UVRAG: variants seen among roughly 807,000 people sequenced by gnomAD.
UVRAG encodes UV radiation resistance-associated gene protein.
UVRAG carries 19 observed loss-of-function variants against 78.0 expected under a neutral mutation model. The ratio of observed to expected loss-of-function variants is 0.24; its 90% confidence interval spans 0.17 to 0.36. The LOEUF (loss-of-function observed/expected upper bound fraction) is 0.36. Among genes scored for constraint, UVRAG ranks in the 10% least tolerant of loss-of-function variants. The pLI, the probability that UVRAG is intolerant of heterozygous loss-of-function variation, is 1.00. For missense variants in UVRAG, 740 were observed against 853.8 expected, an observed-to-expected ratio of 0.87 and a Z score of 1.66; for synonymous variants, 323 against 324.6, an observed-to-expected ratio of 1.00 and a Z score of 0.05.
chr11:75,888,451 C>T (rs2134927410), intron 4 of UVRAG, among the ~76,000 whole-genome samples: 1 of 151,972 alleles, frequency 6.6e-6, no homozygotes, highest in African/African-American at 2.4e-5. Context: ...GCCTAGGCTT[C>T]ATGTTAAAAA....
At chr11:76,038,097 C>T (rs1422750299) in intron 12 of UVRAG, among the ~76,000 whole-genome samples, 1 of 152,070 alleles carries the variant, frequency 6.6e-6, no homozygotes, top group African/African-American at 2.4e-5. Context: ...AATTAAATCA[C>T]TTACATCTCC....
intron 14 of UVRAG, among the ~76,000 whole-genome samples, chr11:76,126,318 AATCCAAGTTATAT>A (rs1952393463): frequency 6.6e-6 from 1 of 152,222 alleles, no homozygotes; most frequent in Admixed American, 6.5e-5. Context: ...ATTCAAATAA[AATCCAAGTTATAT>A]ATCCAAAATA....
intron 12 of UVRAG, among the ~76,000 whole-genome samples, chr11:76,039,299 T>C (rs1156995266): frequency 6.6e-6 from 1 of 152,194 alleles, no homozygotes; most frequent in Non-Finnish European, 1.5e-5. Context: ...TAAGAACTCA[T>C]TGTAAAGTAG....
At chr11:75,816,432 C>A (rs1945264903) in intron 1 of UVRAG, among the ~76,000 whole-genome samples, 1 of 152,228 alleles carries the variant, frequency 6.6e-6, no homozygotes, top group East Asian at 1.9e-4. Context: ...TTCACCCTCT[C>A]CCTTTATTCC....
Position 75,996,666 on chromosome 11 carries a change from G to A in UVRAG, c.827-7339G>A, listed in dbSNP as rs527885578. Reference sequence around the variant, plus strand: ...AGCAATTCCAGTAAAGCTTACTGGGGGCAGGCACAATAATGCAAATGTTAA... The same window carrying A: ...AGCAATTCCAGTAAAGCTTACTGGGAGCAGGCACAATAATGCAAATGTTAA... On this transcript the variant is annotated intron_variant, in intron 8 of 14. Coordinates refer to ENST00000356136, the MANE Select transcript of UVRAG (RefSeq NM_003369.4). Among the ~76,000 whole-genome samples the A allele has an allele frequency of 2.6e-4, 40 of 152,206 alleles. 1 individual carries two copies. The highest frequency in any genetic ancestry group is 2.1e-4 in the South Asian group (1 of 4,814).
At position 75,997,148 on chromosome 11, in the gene UVRAG, G is replaced by A. The variant is rs947711317; in HGVS notation, c.827-6857G>A. Among the ~76,000 whole-genome samples, 61 of 152,188 alleles carry A rather than the reference G, an allele frequency of 4.0e-4. 1 individual carries two copies. Among genetic ancestry groups the A allele is most frequent in the Non-Finnish European group, 6.0e-4 (41 of 68,030 alleles). On this transcript the variant is annotated intron_variant, in intron 8 of 14. Transcript: ENST00000356136. ...AGGCAGCATCATAAATCATAGTATA[G>A]AAAAGGCATTTCTGCAGGGAAGGAA...
At chr11:75,884,621 G>A (rs1947037208) in intron 4 of UVRAG, among the ~76,000 whole-genome samples, 1 of 152,078 alleles carries the variant, frequency 6.6e-6, no homozygotes, top group Non-Finnish European at 1.5e-5. Context: ...TTGTTTTGCA[G>A]ATGGATGAAC....
chr11:75,876,858 T>C (rs1946793747), intron 3 of UVRAG, among the ~76,000 whole-genome samples: 2 of 152,026 alleles, frequency 1.3e-5, no homozygotes, highest in Admixed American at 1.3e-4. Context: ...TATTTTTTAT[T>C]TTTATTTTTA....
chr11:76,095,736 T>G (rs1180052059), intron 13 of UVRAG, among the ~76,000 whole-genome samples: 1 of 151,540 alleles, frequency 6.6e-6, no homozygotes, highest in East Asian at 1.9e-4. Context: ...CTGGGCATGG[T>G]GGTGCCCACC....
At chr11:76,040,323 A>G (rs1950621260) in intron 12 of UVRAG, among the ~76,000 whole-genome samples, 1 of 151,832 alleles carries the variant, frequency 6.6e-6, no homozygotes, top group Non-Finnish European at 1.5e-5. Context: ...AATACAAAAA[A>G]TTAGCCGGGC....
chr11:75,948,237 C>T (rs1031870015), intron 6 of UVRAG, among the ~76,000 whole-genome samples: 1 of 152,056 alleles, frequency 6.6e-6, no homozygotes, highest in African/African-American at 2.4e-5. Flanking sequence ...ATACCTCTTA[C>T]ATCATTGTTT....
chr11:75,980,912 T>C (rs11827501), intron 7 of UVRAG, among the ~76,000 whole-genome samples: 16,321 of 151,842 alleles, frequency 0.11, 2,125 homozygotes, highest in African/African-American at 0.31. Flanking sequence ...AACTCCTGAC[T>C]TCAGGTGATC....
chr11:75,891,829 G>A (rs1376316226), intron 5 of UVRAG, among the ~76,000 whole-genome samples: 1 of 152,088 alleles, frequency 6.6e-6, no homozygotes, highest in Admixed American at 6.5e-5. Context: ...CGGGAGGATT[G>A]CTTGAGACCA....
intron 12 of UVRAG, among the ~76,000 whole-genome samples, chr11:76,024,914 A>G (rs532382388): frequency 6.6e-6 from 1 of 152,272 alleles, no homozygotes; most frequent in East Asian, 1.9e-4. Flanking sequence ...TGAATGACTC[A>G]TTGGATAAAT....
intron 12 of UVRAG, among the ~76,000 whole-genome samples, chr11:76,033,352 G>T (rs567452599): frequency 3.0e-4 from 46 of 152,210 alleles, no homozygotes; most frequent in African/African-American, 1.0e-3. Flanking sequence ...GTAAATATTT[G>T]TATACTGATA....
In UVRAG at chr11:75,979,735, A is replaced by G. The variant is rs540437559; in HGVS notation, c.700-3652A>G. The G allele has an allele frequency of 8.5e-5, 13 of 152,460 alleles. No individual in the cohort carries two copies. The East Asian group carries it at 2.5e-3, about 29-fold the overall frequency. 9.4% of individuals were successfully genotyped at this position (152,460 alleles called of 1,614,324 possible). A position where few individuals can be genotyped will look rare whatever the true frequency, so the allele number is the denominator to read the frequency against. On this transcript the variant is annotated intron_variant, in intron 7 of 14. Coordinates refer to ENST00000356136, the MANE Select transcript of UVRAG (RefSeq NM_003369.4). ...GCTAAGACCTTTGGAAAAGCACAGT[A>G]TTAGGGTGGGAGTGACCTGATTTTC... is the stretch of plus-strand genomic sequence containing the variant.
chr11:75,816,338 C>T (rs1463482012), intron 1 of UVRAG, among the ~76,000 whole-genome samples: 1 of 152,180 alleles, frequency 6.6e-6, no homozygotes, highest in African/African-American at 2.4e-5. Context: ...GAGTACTTCC[C>T]TCCTTATATC....
At chr11:75,827,430 C>T (rs1181796913) in intron 1 of UVRAG, among the ~76,000 whole-genome samples, 4 of 151,858 alleles carry the variant, frequency 2.6e-5, no homozygotes, top group East Asian at 1.9e-4. Flanking sequence ...CCCAACATGG[C>T]GAAACCCCAT....
intron 12 of UVRAG, among the ~76,000 whole-genome samples, chr11:76,039,539 A>T (rs2134326548): frequency 6.6e-6 from 1 of 152,336 alleles, no homozygotes; most frequent in South Asian, 2.1e-4. Flanking sequence ...AAGCTTACAA[A>T]CTGAAAATGA....
Sources: gnomAD v4.1 joint callset for allele counts (sites outside exome capture counted in the v4.1 genomes callset) on GRCh38, gnomAD v4.1.1 for gene constraint, MANE v1.5 for transcripts, NCBI Gene and HGNC (gene_info 2026-07-23, HGNC 2026-07-21) for gene names.